Variants in ABCA4 observed in about 807,000 individuals in gnomAD.
ABCA4 encodes ATP binding cassette subfamily A member 4, also known as retinal-specific phospholipid-transporting ATPase ABCA4.
In ABCA4, 196 loss-of-function variants were observed where a neutral mutation model predicts 263.7. That is an observed-to-expected ratio of 0.74 (90% confidence interval 0.66 to 0.84). The LOEUF is 0.84. Ranked by LOEUF, ABCA4 falls within the 40% of genes least tolerant of loss-of-function variation. The probability of loss-of-function intolerance (pLI) is 0.00; values close to 1 mark genes in which losing one functional copy is unlikely to be tolerated. For missense variants in ABCA4, 2,792 were observed against 2,855.1 expected (o/e 0.98, Z 0.50); for synonymous variants, 1,133 against 1,094.2 (o/e 1.04, Z -0.70).
chr1:94,074,285 A>G, intron 11 of ABCA4, among the ~76,000 whole-genome samples: 1 of 152,218 alleles, frequency 6.6e-6, no homozygotes, highest in African/African-American at 2.4e-5. Context: ...TATTTAATAA[A>G]TGGTGTTGGG....
At chr1:94,029,735 C>A (rs1368353488) in intron 29 of ABCA4, 104 bp from the exon 30 acceptor site, 3 of 1,117,748 alleles carry the variant, frequency 2.7e-6, no homozygotes. Context: ...TCTTTAGACC[C>A]AGGCCCTTTC....
intron 5 of ABCA4, among the ~76,000 whole-genome samples, chr1:94,102,321 G>A (rs1275973187): frequency 6.6e-6 from 1 of 152,062 alleles, no homozygotes; most frequent in Non-Finnish European, 1.5e-5. Flanking sequence ...AAGCAGAAGT[G>A]GGCTCTTCTG....
chr1:94,050,770 C>T (rs1393098597), intron 17 of ABCA4, among the ~76,000 whole-genome samples: 1 of 148,274 alleles, frequency 6.7e-6, no homozygotes, highest in East Asian at 2.0e-4. Flanking sequence ...AAAACAAAAG[C>T]AAAAAACAAA....
At chr1:94,019,391 C>T (rs1004242921) in intron 36 of ABCA4, 191 bp downstream of exon 36, 36 of 646,728 alleles carry the variant, frequency 5.6e-5, no homozygotes, top group South Asian at 2.6e-4. Context: ...TTCCTAGCTT[C>T]GGGCTCCTAG....
chr1:94,093,005 A>G (rs1426353451), intron 6 of ABCA4, among the ~76,000 whole-genome samples: 1 of 152,138 alleles, frequency 6.6e-6, no homozygotes, highest in Non-Finnish European at 1.5e-5. Flanking sequence ...ATTTCCTTTA[A>G]ATGGCAGCAA....
intron 36 of ABCA4, among the ~76,000 whole-genome samples, chr1:94,017,385 G>A (rs2101017674): frequency 6.6e-6 from 1 of 152,290 alleles, no homozygotes; most frequent in Non-Finnish European, 1.5e-5. Flanking sequence ...CTGGGCAAGA[G>A]GAAACCTCAG....
At chr1:94,019,401 G>A in intron 36 of ABCA4, 181 bp downstream of exon 36, 1 of 697,062 alleles carries the variant, frequency 1.4e-6, no homozygotes, top group Non-Finnish European at 2.4e-6. Flanking sequence ...CGGGCTCCTA[G>A]TTCTGTGCCT....
chr1:94,010,884 T>C lies in ABCA4; in HGVS notation c.5630A>G (p.Lys1877Arg), dbSNP rs1659525808. 2.5e-6 allele frequency: 4 copies of C among 1,614,154 alleles called. No individual in the cohort carries two copies. Among genetic ancestry groups the C allele is most frequent in the Non-Finnish European group, 3.4e-6 (4 of 1,180,024 alleles). Residue 1877 changes from lysine to arginine, a missense_variant, in exon 40 of 50, where the codon AAG becomes AGG. Transcript: ENST00000370225. ...ANPFHWDLIG[K>R]NLFAMVVEGV... The stretch of plus-strand genomic sequence containing the variant: ...TTCCACCACCATGGCAAACAGGTTC[T>C]TCCCAATCAGGTCCCAGTGGAACGG...
chr1:94,000,717 A>G, intron 47 of ABCA4, 119 bp downstream of exon 47: 1 of 1,079,308 alleles, frequency 9.3e-7, no homozygotes, highest in Non-Finnish European at 1.4e-6. Flanking sequence ...CCCAGCCACC[A>G]CCTGCCTCTG....
At chr1:94,051,799 A>C (rs1423642160) in intron 16 of ABCA4, 101 bp from the exon 17 acceptor site, 9 of 866,924 alleles carry the variant, frequency 1.0e-5, no homozygotes. Context: ...TGAACCTCAA[A>C]TTGTAACTAT....
chr1:94,053,349 C>A (rs1030540975), intron 16 of ABCA4, among the ~76,000 whole-genome samples: 3 of 152,162 alleles, frequency 2.0e-5, no homozygotes, highest in South Asian at 2.1e-4. Context: ...CAATTGAATT[C>A]TTGGACAACC....
intron 6 of ABCA4, among the ~76,000 whole-genome samples, chr1:94,086,935 A>G (rs1182663889): frequency 6.6e-6 from 1 of 152,114 alleles, no homozygotes; most frequent in East Asian, 1.9e-4. Flanking sequence ...ACAGAAATCT[A>G]TTTCCCACAG....
chr1:93,996,273 C>T (rs1000476736), intron 48 of ABCA4, 78 bp from the exon 49 acceptor site: 1 of 1,109,818 alleles, frequency 9.0e-7, no homozygotes, highest in Non-Finnish European at 1.4e-6. Context: ...CCACTTTGCT[C>T]TCTATTTTCC....
At chr1:94,105,069 G>A (rs2184451) in intron 4 of ABCA4, among the ~76,000 whole-genome samples, 70,256 of 152,032 alleles carry the variant, frequency 0.46, 16,530 homozygotes, top group Middle Eastern at 0.64. Flanking sequence ...TGGGGGCTAT[G>A]GCTCCTGCTT....
intron 6 of ABCA4, among the ~76,000 whole-genome samples, chr1:94,090,490 C>G (rs1461450530): frequency 6.6e-6 from 1 of 152,108 alleles, no homozygotes; most frequent in African/African-American, 2.4e-5. Context: ...TCACCCCATT[C>G]TCACTCTACC....
chr1:94,019,714 G>T lies in ABCA4; in HGVS notation c.5064C>A (p.Phe1688Leu). Residue 1688 changes from phenylalanine (F) to leucine (L), a missense_variant, in exon 36 of 50, where the codon TTC becomes TTA. Phe to Leu is a conservative substitution (Grantham distance 22, BLOSUM62 0). Coordinates refer to ENST00000370225, the MANE Select transcript of ABCA4 (RefSeq NM_000350.3). Reference protein sequence around the residue: ...VDAVVAICVIFSMSFVPASFV... With the variant: ...VDAVVAICVILSMSFVPASFV... The stretch of plus-strand genomic sequence containing the variant: ...AGCTGGCTGGGACGAAGGACATGGA[G>T]AAAATCACGCAGATGGCAACCACAG... 1 of 1,613,690 alleles carries T rather than the reference G, an allele frequency of 6.2e-7. No individual in the cohort carries two copies. The highest frequency in any genetic ancestry group is 1.1e-5 in the South Asian group (1 of 90,916).
In ABCA4 at chr1:94,113,063, G is replaced by A. The variant is rs62645942; in HGVS notation, c.70C>T (p.Arg24Cys). The change falls in exon 2 of 50, where the codon CGC (arginine) becomes TGC (cysteine). Residue 24 changes from arginine (R) to cysteine (C), a missense_variant. Transcript: ENST00000370225. The part of the protein sequence containing the change: ...NWTLRKRQKI[R>C]FVVELVWPLS... ...GGCCACACGAGTTCCACCACAAAGC[G>A]AATCTGGAAAAACAAAACAAAAAGA... is the stretch of plus-strand genomic sequence containing the variant. 1.5e-5 allele frequency: 24 copies of A among 1,613,954 alleles called. No homozygotes were observed. The highest frequency in any genetic ancestry group is 6.6e-5 in the South Asian group (6 of 91,068).
At chr1:94,053,925 C>A (rs1660905075) in intron 16 of ABCA4, among the ~76,000 whole-genome samples, 1 of 152,212 alleles carries the variant, frequency 6.6e-6, no homozygotes, top group Non-Finnish European at 1.5e-5. Context: ...CTGAGATGAT[C>A]TGAGAGCTGT....
At position 94,033,643 on chromosome 1, in the gene ABCA4, CCCT is replaced by C. The variant is rs1314268616; in HGVS notation, c.3863-1603_3863-1601del. 7.9e-5 allele frequency among the ~76,000 whole-genome samples: 12 copies of C among 152,234 alleles called. No homozygotes were observed. In the East Asian group the frequency reaches 2.3e-3, roughly 29 times the overall value. On this transcript the variant is annotated intron_variant, in intron 26 of 49. Coordinates refer to ENST00000370225, the MANE Select transcript of ABCA4 (RefSeq NM_000350.3). The stretch of plus-strand genomic sequence containing the variant: ...GGTTGGTCCCCAGCTGCTTTCTTAA[CCCT>C]CCTCAAGTCCCCCAGGACAAGGACA...
Sources: allele counts gnomAD v4.1 joint callset (sites outside exome capture counted in the v4.1 genomes callset), GRCh38; gene constraint gnomAD v4.1.1; transcripts MANE v1.5; gene names NCBI Gene and HGNC (gene_info 2026-07-23, HGNC 2026-07-21).